The following TLK1 variants were observed in gnomAD, a reference collection of about 807,000 sequenced individuals.
TLK1 encodes tousled like kinase 1.
In TLK1, 24 loss-of-function variants were observed where a neutral mutation model predicts 105.3. The observed-to-expected ratio is 0.23, with a 90% CI of 0.17 to 0.32. TLK1 has a LOEUF of 0.32. Among genes scored for constraint, TLK1 ranks in the 10% least tolerant of loss-of-function variants. TLK1 has a pLI of 1.00. For synonymous variants in TLK1, 321 were observed against 310.4 expected (o/e 1.03, Z -0.36); for missense variants, 558 against 910.5 (o/e 0.61, Z 4.98).
In TLK1 at chr2:171,068,049, G is replaced by A. The variant is rs144096423; in HGVS notation, c.331-6893C>T. On this transcript the variant is annotated intron_variant, in intron 3 of 20. Transcript: ENST00000431350. ...TTTTTCCTGAGACATGGGATCAGCC[G>A]GGCATGGTGGCTCAAGCCTGTAATT... 6.4e-4 allele frequency among the ~76,000 whole-genome samples: 97 copies of A among 152,118 alleles called. 3 individuals carry two copies. In the East Asian group the frequency reaches 0.012, roughly 18 times the overall value.
chr2:171,050,052 C>T lies in TLK1; in HGVS notation c.843+12G>A. 6.2e-7 allele frequency: 1 copy of T among 1,604,924 alleles called. No individual in the cohort carries two copies. On this transcript the variant is annotated intron_variant, in intron 9 of 20. Transcript: ENST00000431350. The stretch of plus-strand genomic sequence containing the variant: ...GAAGGGAAAGCGAAAATTTACTCAA[C>T]TTTTAGCCTACCTTTTCAATAAGAA...
intron 1 of TLK1, among the ~76,000 whole-genome samples, chr2:171,122,142 T>TCACCATGTTGGCCAGGATG (rs552852752): frequency 1.3e-5 from 2 of 152,178 alleles, no homozygotes; most frequent in African/African-American, 4.8e-5. Context: ...AGACGGGGTT[T>TCACCATGTTGGCCAGGATG]CACCATGTTG....
intron 11 of TLK1, among the ~76,000 whole-genome samples, chr2:171,031,607 A>G (rs577317877): frequency 3.3e-5 from 5 of 152,206 alleles, no homozygotes; most frequent in Non-Finnish European, 7.3e-5. Context: ...TTATGCACAC[A>G]TAACAATGTA....
chr2:171,019,856 G>C (rs879403583), intron 12 of TLK1, among the ~76,000 whole-genome samples: 2 of 152,024 alleles, frequency 1.3e-5, no homozygotes, highest in Admixed American at 1.3e-4. Flanking sequence ...TCAGGAGTTC[G>C]AGACCAGCCT....
intron 2 of TLK1, among the ~76,000 whole-genome samples, chr2:171,096,352 C>CT (rs1388216647): frequency 1.3e-5 from 2 of 151,902 alleles, no homozygotes; most frequent in Admixed American, 6.6e-5. Context: ...ATAAAATAAA[C>CT]TTTTTTTAAA....
chr2:171,011,607 C>A (rs527732028), intron 13 of TLK1, among the ~76,000 whole-genome samples, 153 bp from the exon 14 acceptor site: 28 of 152,276 alleles, frequency 1.8e-4, no homozygotes, highest in African/African-American at 6.5e-4. Context: ...TCTTTTCATT[C>A]TCTACCAGTC....
chr2:171,131,178 T>C (rs960922287), intron 1 of TLK1, among the ~76,000 whole-genome samples: 1 of 152,004 alleles, frequency 6.6e-6, no homozygotes, highest in Non-Finnish European at 1.5e-5. Context: ...GCTATGTAAA[T>C]CAAATTTGAA....
At chr2:171,092,928 C>G (rs1689297730) in intron 2 of TLK1, among the ~76,000 whole-genome samples, 1 of 151,922 alleles carries the variant, frequency 6.6e-6, no homozygotes, top group African/African-American at 2.4e-5. Flanking sequence ...ATTTTCAGTT[C>G]CAAAGAGCTT....
intron 1 of TLK1, among the ~76,000 whole-genome samples, chr2:171,134,208 TTATATA>T (rs773189816): frequency 3.0e-4 from 46 of 152,084 alleles, no homozygotes; most frequent in Admixed American, 2.0e-3. Flanking sequence ...TTTAGTCACA[TTATATA>T]TATATTTCAT....
At chr2:171,136,294 T>C (rs1221799917) in intron 1 of TLK1, among the ~76,000 whole-genome samples, 2 of 152,192 alleles carry the variant, frequency 1.3e-5, no homozygotes, top group Admixed American at 6.5e-5. Context: ...GAAAGTAGAA[T>C]AGTGGTTGCT....
Position 171,055,157 on chromosome 2 carries a change from G to A in TLK1, c.565C>T (p.Pro189Ser). The A allele has an allele frequency of 2.0e-6, 3 of 1,480,188 alleles. No homozygotes were observed. The highest frequency in any genetic ancestry group is 2.7e-6 in the Non-Finnish European group (3 of 1,123,830). The allele number at this position is 1,480,188 out of a possible 1,614,324, so 91.7% of individuals were successfully genotyped here. ...CCAAATGCTAATGCAGTAGGAGAAG[G>A]GCTATTCGGTCGAACCTAAAGAAAT... ...TPSSSVRPNSPSPTALAFGDH... is the reference protein window; with the variant it reads ...TPSSSVRPNSSSPTALAFGDH... Residue 189 changes from proline to serine, a missense_variant, in exon 7 of 21, where the codon CCT becomes TCT. Transcript: ENST00000431350.
At chr2:171,115,982 T>C (rs1690409432) in intron 2 of TLK1, among the ~76,000 whole-genome samples, 1 of 152,232 alleles carries the variant, frequency 6.6e-6, no homozygotes, top group African/African-American at 2.4e-5. Flanking sequence ...ATAATACTTT[T>C]ATTCATGTGT....
chr2:171,031,532 TAG>T (rs1354448278), intron 11 of TLK1, among the ~76,000 whole-genome samples: 6 of 152,166 alleles, frequency 3.9e-5, no homozygotes, highest in Non-Finnish European at 7.3e-5. Context: ...TCTCTTCCCA[TAG>T]ACTCATATCT....
chr2:171,169,856 T>C lies in TLK1; in HGVS notation c.-5-51999A>G, dbSNP rs547635579. ...GATAGTTAAAAGCTATTGTTTGGCT[T>C]TTTATTGATTCAATTAAGCAAAGGT... On this transcript the variant is annotated intron_variant, in intron 1 of 20. Coordinates refer to the TLK1 transcript ENST00000521943. Among the ~76,000 whole-genome samples the C allele has an allele frequency of 5.3e-5, 8 of 152,334 alleles. No homozygotes were observed. The South Asian group carries it at 1.7e-3, about 32-fold the overall frequency.
At chr2:171,090,090 T>C (rs1053767795) in intron 2 of TLK1, among the ~76,000 whole-genome samples, 5 of 152,200 alleles carry the variant, frequency 3.3e-5, no homozygotes, top group Admixed American at 6.5e-5. Flanking sequence ...TATTTGAATA[T>C]TGCATCTCAT....
At chr2:171,145,214 A>G (rs1691742910) in intron 1 of TLK1, among the ~76,000 whole-genome samples, 1 of 152,204 alleles carries the variant, frequency 6.6e-6, no homozygotes, top group African/African-American at 2.4e-5. Context: ...AGGCTGAGGC[A>G]GGAGAATCGT....
At chr2:171,180,007 A>G (rs1692898828) in intron 1 of TLK1, among the ~76,000 whole-genome samples, 1 of 151,726 alleles carries the variant, frequency 6.6e-6, no homozygotes, top group South Asian at 2.1e-4. Flanking sequence ...AAGCACAAGA[A>G]TCACTGGAAC....
chr2:171,075,220 G>A (rs1688446301), intron 3 of TLK1, among the ~76,000 whole-genome samples: 1 of 152,102 alleles, frequency 6.6e-6, no homozygotes. Flanking sequence ...GTATGAGAAA[G>A]TAGAGGTGGG....
At chr2:171,147,599 T>C (rs377323479) in intron 1 of TLK1, among the ~76,000 whole-genome samples, 18 of 152,292 alleles carry the variant, frequency 1.2e-4, no homozygotes, top group African/African-American at 4.1e-4. Flanking sequence ...ATTTAAATGT[T>C]TTCCTCTCTG....
Sources: gnomAD v4.1 joint callset for allele counts (sites outside exome capture counted in the v4.1 genomes callset) on GRCh38, gnomAD v4.1.1 for gene constraint, MANE v1.5 for transcripts, NCBI Gene and HGNC (gene_info 2026-07-23, HGNC 2026-07-21) for gene names.